CHD6: variants seen among roughly 807,000 people sequenced by gnomAD.
CHD6 encodes ATP-dependent chromatin remodeler CHD6.
In CHD6, 50 loss-of-function variants were observed where a neutral mutation model predicts 276.9. That is an observed-to-expected ratio of 0.18 (90% CI 0.14 to 0.23). The LOEUF is 0.23. Among genes scored for constraint, CHD6 ranks in the 10% least tolerant of loss-of-function variants. The pLI is 1.00. For synonymous variants in CHD6, 1,173 were observed against 1,229.3 expected (o/e 0.95, Z 0.96); for missense variants, 2,564 against 3,365.8 (o/e 0.76, Z 5.89).
chr20:41,420,792 T>C lies in CHD6; in HGVS notation c.5843A>G (p.His1948Arg), dbSNP rs1404231598. ...TTCAAATTCATCATTCTCGAGGCCATGCATCCACCTCTCCATGTGTTTGCA... is the reference window on the plus strand; with the variant it reads ...TTCAAATTCATCATTCTCGAGGCCACGCATCCACCTCTCCATGTGTTTGCA... ...CHCKHMERWM[H>R]GLENDEFEIE... The change falls in exon 31 of 37, where the codon CAT (histidine) becomes CGT (arginine). Residue 1948 changes from histidine (H) to arginine (R), a missense_variant. Around this residue, in one of 7 missense-constraint regions of CHD6, gnomAD observed 1,024 missense variants for 1,047.9 expected, o/e 0.98. Transcript: ENST00000373233. The C allele has an allele frequency of 1.2e-6, 2 of 1,614,098 alleles. No individual in the cohort carries two copies. Among genetic ancestry groups the C allele is most frequent in the East Asian group, 2.2e-5 (1 of 44,898 alleles).
In CHD6 at chr20:41,473,589, G is replaced by A. The variant is rs913520699; in HGVS notation, c.2469-72C>T. 18 of 1,294,036 alleles carry A rather than the reference G, an allele frequency of 1.4e-5. No individual in the cohort carries two copies. Among genetic ancestry groups the A allele is most frequent in the Non-Finnish European group, 2.0e-5 (18 of 906,884 alleles). 80.2% of individuals were successfully genotyped at this position (1,294,036 alleles called of 1,614,324 possible). On this transcript the variant is annotated intron_variant, in intron 16 of 36. Transcript: ENST00000373233. The surrounding 1 kb of genome is among the most constrained non-coding windows in gnomAD (Gnocchi z 4.1). The stretch of plus-strand genomic sequence containing the variant: ...CAATGGAGAACAGCACAAAATGCAG[G>A]AAGCTGTCGACTGATGGCCTTAAAT...
intron 1 of CHD6, among the ~76,000 whole-genome samples, chr20:41,554,807 G>C (rs1322251315): frequency 1.3e-5 from 2 of 152,150 alleles, no homozygotes; most frequent in Non-Finnish European, 1.5e-5. Flanking sequence ...GCAACCATCC[G>C]ATTTCTCAAT....
At chr20:41,458,085 C>T (rs1249883574) in intron 17 of CHD6, among the ~76,000 whole-genome samples, 1 of 152,130 alleles carries the variant, frequency 6.6e-6, no homozygotes, top group Non-Finnish European at 1.5e-5. Context: ...TGTATTTTCT[C>T]TAAACTAGGA....
At chr20:41,512,694 T>C in intron 5 of CHD6, 152 bp downstream of exon 5, 2 of 839,344 alleles carry the variant, frequency 2.4e-6, no homozygotes, top group Non-Finnish European at 3.8e-6. Context: ...AGTCTGAATG[T>C]CATTCCCAAT....
chr20:41,557,412 C>CTT (rs543587210), intron 1 of CHD6, among the ~76,000 whole-genome samples: 13 of 147,072 alleles, frequency 8.8e-5, no homozygotes, highest in Non-Finnish European at 1.5e-4. Flanking sequence ...GTTTTCTTTT[C>CTT]TTTTTTTTTT....
intron 2 of CHD6, 94 bp from the exon 3 acceptor site, chr20:41,533,664 A>C: frequency 8.7e-7 from 1 of 1,148,064 alleles, no homozygotes; most frequent in Non-Finnish European, 1.2e-6. Flanking sequence ...TTGCTCAACA[A>C]ATATTTACTG....
rs777661136 is a variant in CHD6 at position 41,402,508 on chromosome 20, A to AAAC, written c.*2082_*2084dup. On this transcript the variant is annotated 3_prime_UTR_variant, in exon 37 of 37. Coordinates refer to ENST00000373233, the MANE Select transcript of CHD6 (RefSeq NM_032221.5). ...CCGGGGAAAGCAGCTTTTCCATACA[A>AAAC]AACAACAACAACACAACGACAACAA... 1 of 230,994 alleles carries AAAC rather than the reference A, an allele frequency of 4.3e-6. No individual in the cohort carries two copies. The highest frequency in any genetic ancestry group is 2.2e-5 in the African/African-American group (1 of 45,232). The allele number at this position is 230,994 out of a possible 1,614,324, so 14.3% of individuals were successfully genotyped here. A position where few individuals can be genotyped will look rare whatever the true frequency, so the allele number is the denominator to read the frequency against.
At chr20:41,449,303 C>T (rs2048166702) in intron 23 of CHD6, among the ~76,000 whole-genome samples, 1 of 152,188 alleles carries the variant, frequency 6.6e-6, no homozygotes, top group South Asian at 2.1e-4. Context: ...TAGCTGTCAG[C>T]TTTAGTAAAA....
chr20:41,577,625 G>A (rs1168600617), intron 1 of CHD6, among the ~76,000 whole-genome samples: 2 of 152,196 alleles, frequency 1.3e-5, no homozygotes, highest in Non-Finnish European at 2.9e-5. Flanking sequence ...ACACATATGT[G>A]TAAACAAAAT....
chr20:41,419,442 G>A (rs1245804631), intron 31 of CHD6, among the ~76,000 whole-genome samples: 1 of 151,148 alleles, frequency 6.6e-6, no homozygotes, highest in Non-Finnish European at 1.5e-5. Flanking sequence ...CAGACGTGGT[G>A]GCACACACCT....
intron 1 of CHD6, among the ~76,000 whole-genome samples, chr20:41,609,419 C>G (rs1027135688): frequency 2.0e-5 from 3 of 152,206 alleles, no homozygotes; most frequent in Admixed American, 1.3e-4. Context: ...ACAGAAGCAC[C>G]TGCCCAGACA....
chr20:41,468,361 C>T (rs1445147251), intron 17 of CHD6, among the ~76,000 whole-genome samples: 5 of 152,134 alleles, frequency 3.3e-5, no homozygotes, highest in Non-Finnish European at 7.4e-5. Flanking sequence ...CTGCCCGCCT[C>T]GGCCTCCCAA....
At position 41,420,622 on chromosome 20, in the gene CHD6, C is replaced by G. The variant is rs879691040; in HGVS notation, c.6013G>C (p.Glu2005Gln). Residue 2005 changes from glutamate to glutamine, a missense_variant, in exon 31 of 37, where the codon GAG (glutamate) becomes CAG (glutamine). By Grantham distance (29) the Glu-to-Gln change is conservative. This residue lies in a region of CHD6 where 1,024 missense variants were observed against 1,047.9 expected (regional missense o/e 0.98). Coordinates refer to ENST00000373233, the MANE Select transcript of CHD6 (RefSeq NM_032221.5). Reference sequence around the variant, plus strand: ...TATGTGGGGAAAACGTTTTGCCCCTCTGCACTTTCTTTCCAAGGTTCTTTT... The same window carrying G: ...TATGTGGGGAAAACGTTTTGCCCCTGTGCACTTTCTTTCCAAGGTTCTTTT... ...LLKEPWKESA[E>Q]GQNVFPTYPL... 6.2e-7 allele frequency: 1 copy of G among 1,614,230 alleles called. No individual in the cohort carries two copies. Among genetic ancestry groups the G allele is most frequent in the Non-Finnish European group, 8.5e-7 (1 of 1,180,042 alleles).
At chr20:41,458,250 G>A (rs984929293) in intron 17 of CHD6, among the ~76,000 whole-genome samples, 3 of 152,148 alleles carry the variant, frequency 2.0e-5, no homozygotes, top group Non-Finnish European at 4.4e-5. Context: ...CATATAGGAG[G>A]GACAAGCTAA....
At chr20:41,492,829 G>A (rs1342996736) in intron 10 of CHD6, among the ~76,000 whole-genome samples, 2 of 152,208 alleles carry the variant, frequency 1.3e-5, no homozygotes, top group Admixed American at 6.5e-5. Flanking sequence ...TCCAAGGCAG[G>A]AGAATTGCTT....
chr20:41,513,291 T>C (rs541671574), intron 4 of CHD6, among the ~76,000 whole-genome samples: 2 of 152,218 alleles, frequency 1.3e-5, no homozygotes, highest in South Asian at 2.1e-4. Flanking sequence ...GTAGTGACTT[T>C]CCCCCTTTCA....
chr20:41,516,065 G>T (rs569021866), intron 3 of CHD6, among the ~76,000 whole-genome samples: 26 of 152,244 alleles, frequency 1.7e-4, no homozygotes, highest in Admixed American at 3.3e-4. Context: ...AATAACTAAT[G>T]ATTGCAGCTA....
At chr20:41,429,978 C>T (rs2047483974) in intron 27 of CHD6, among the ~76,000 whole-genome samples, 2 of 152,204 alleles carry the variant, frequency 1.3e-5, no homozygotes, top group African/African-American at 2.4e-5. Context: ...AATGAACAGG[C>T]TCTTTTTATA....
chr20:41,488,658 C>A (rs2043475457), intron 12 of CHD6, 54 bp from the exon 13 acceptor site: 2 of 1,513,918 alleles, frequency 1.3e-6, no homozygotes, highest in South Asian at 1.3e-5. Flanking sequence ...TAGAATTCTG[C>A]TAATATCTGC....
Sources: allele counts gnomAD v4.1 joint callset (sites outside exome capture counted in the v4.1 genomes callset), GRCh38; gene constraint gnomAD v4.1.1; regional missense constraint gnomAD v4.1.1; non-coding constraint Gnocchi (gnomAD v3.1); transcripts MANE v1.5; gene names NCBI Gene and HGNC (gene_info 2026-07-23, HGNC 2026-07-21).